CUL1: variants seen among roughly 807,000 people sequenced by gnomAD.
CUL1 encodes the protein cullin-1.
Under a neutral mutation model 118.0 loss-of-function variants are expected in CUL1, and 24 were observed. The ratio of observed to expected loss-of-function variants is 0.20; its 90% CI spans 0.15 to 0.29. The LOEUF is 0.29. Ranked by LOEUF, CUL1 falls within the 10% of genes least tolerant of loss-of-function variation. The probability of loss-of-function intolerance (pLI) is 1.00; values close to 1 mark genes in which losing one functional copy is unlikely to be tolerated. For synonymous variants in CUL1, 332 were observed against 340.4 expected (o/e 0.98, Z 0.27); for missense variants, 361 against 933.8 (o/e 0.39, Z 7.99).
intron 7 of CUL1, among the ~76,000 whole-genome samples, chr7:148,761,908 G>T (rs150165944): frequency 6.6e-6 from 1 of 152,306 alleles, no homozygotes; most frequent in East Asian, 1.9e-4. Flanking sequence ...TCAAAGGAGC[G>T]TGCAACATAG....
intron 14 of CUL1, among the ~76,000 whole-genome samples, 184 bp from the exon 15 acceptor site, chr7:148,789,566 C>G (rs568010655): frequency 2.0e-5 from 3 of 152,082 alleles, no homozygotes; most frequent in Non-Finnish European, 4.4e-5. Context: ...GGCTCTTGCA[C>G]TTTTTGCTAA....
At chr7:148,776,978 G>A (rs1800422882) in intron 9 of CUL1, among the ~76,000 whole-genome samples, 1 of 152,196 alleles carries the variant, frequency 6.6e-6, no homozygotes, top group Admixed American at 6.5e-5. Flanking sequence ...TCCCTGGCAA[G>A]TCTTAGTTCT....
chr7:148,731,149 G>A (rs1435286893), intron 2 of CUL1, among the ~76,000 whole-genome samples: 2 of 152,310 alleles, frequency 1.3e-5, no homozygotes, highest in South Asian at 2.1e-4. Flanking sequence ...GAAAAGATGC[G>A]GCTCCCACTA....
intron 1 of CUL1, among the ~76,000 whole-genome samples, chr7:148,707,908 G>A (rs571785584): frequency 1.3e-4 from 20 of 152,208 alleles, no homozygotes; most frequent in Non-Finnish European, 2.5e-4. Context: ...GATGTCTTGC[G>A]TTAGAGGAGT....
At chr7:148,773,925 G>A (rs1563165487) in intron 9 of CUL1, among the ~76,000 whole-genome samples, 4 of 152,096 alleles carry the variant, frequency 2.6e-5, no homozygotes, top group Admixed American at 1.3e-4. Flanking sequence ...AGCAGAGATG[G>A]CTCTATCCAG....
intron 9 of CUL1, among the ~76,000 whole-genome samples, chr7:148,773,742 A>G (rs567097122): frequency 4.9e-4 from 74 of 152,316 alleles, no homozygotes; most frequent in African/African-American, 1.7e-3. Context: ...TCTTAGAGAC[A>G]GTCCTTCTTT....
intron 2 of CUL1, among the ~76,000 whole-genome samples, chr7:148,732,082 T>TA (rs907371096): frequency 6.6e-6 from 1 of 152,126 alleles, no homozygotes; most frequent in Admixed American, 6.5e-5. Context: ...TTAAAGAAGA[T>TA]AGAGTCTTTG....
chr7:148,730,777 A>G (rs1344765395), intron 2 of CUL1, among the ~76,000 whole-genome samples: 1 of 152,162 alleles, frequency 6.6e-6, no homozygotes, highest in Non-Finnish European at 1.5e-5. Context: ...ATCAAAAGGG[A>G]TAGGACATCG....
At chr7:148,777,393 G>T (rs1194725162) in intron 9 of CUL1, among the ~76,000 whole-genome samples, 1 of 152,222 alleles carries the variant, frequency 6.6e-6, no homozygotes, top group African/African-American at 2.4e-5. Flanking sequence ...GCTCACACCT[G>T]TAATCCCAGC....
At chr7:148,769,568 G>A (rs1800142380) in intron 9 of CUL1, among the ~76,000 whole-genome samples, 1 of 152,154 alleles carries the variant, frequency 6.6e-6, no homozygotes, top group Non-Finnish European at 1.5e-5. Flanking sequence ...GGGCAGCAGA[G>A]CCAAGTAAAT....
intron 1 of CUL1, among the ~76,000 whole-genome samples, 174 bp downstream of exon 1, chr7:148,699,203 A>T (rs1312698933): frequency 6.6e-6 from 1 of 151,520 alleles, no homozygotes; most frequent in East Asian, 1.9e-4. Flanking sequence ...GGGCCGGGGG[A>T]CTCGTGGGCG....
chr7:148,773,902 G>A (rs1241117851), intron 9 of CUL1, among the ~76,000 whole-genome samples: 1 of 152,098 alleles, frequency 6.6e-6, no homozygotes, highest in Admixed American at 6.6e-5. Flanking sequence ...CCGTGTGAAC[G>A]TCCCTCTATT....
In CUL1 at chr7:148,766,570, C is replaced by T; in HGVS notation, c.799C>T (p.Arg267Cys). 2.5e-6 allele frequency: 4 copies of T among 1,602,622 alleles called. No homozygotes were observed. Among genetic ancestry groups the T allele is most frequent in the Non-Finnish European group, 1.7e-6 (2 of 1,176,350 alleles). The change falls in exon 8 of 22, where the codon CGT becomes TGT. Residue 267 changes from arginine to cysteine, a missense_variant. By Grantham distance (180) the Arg-to-Cys change is radical. Coordinates refer to ENST00000325222, the MANE Select transcript of CUL1 (RefSeq NM_003592.3). Reference sequence around the variant, plus strand: ...AATTAATTTTCTCCAGGCAGAGGCTCGTCTGCTTGAGGAACAACGAAGAGT... The same window carrying T: ...AATTAATTTTCTCCAGGCAGAGGCTTGTCTGCTTGAGGAACAACGAAGAGT... Reference protein sequence around the residue: ...VTEYMKKAEARLLEEQRRVQV... With the variant: ...VTEYMKKAEACLLEEQRRVQV...
At chr7:148,776,307 CTTTTTTTTTTTTTT>C (rs746777462) in intron 9 of CUL1, among the ~76,000 whole-genome samples, 1 of 40,692 alleles carries the variant, frequency 2.5e-5, no homozygotes, top group Non-Finnish European at 4.1e-5. Context: ...CATAACCAGG[CTTTTTTTTTTTTTT>C]TTTTTTTTTT....
intron 2 of CUL1, among the ~76,000 whole-genome samples, chr7:148,748,503 A>G (rs899755131): frequency 6.6e-6 from 1 of 152,246 alleles, no homozygotes; most frequent in African/African-American, 2.4e-5. Flanking sequence ...TATATTAGTT[A>G]ACACTGCCTC....
intron 1 of CUL1, among the ~76,000 whole-genome samples, chr7:148,711,612 T>A (rs1232422033): frequency 2.0e-5 from 3 of 152,192 alleles, no homozygotes; most frequent in African/African-American, 7.2e-5. Context: ...TATTTGAAAG[T>A]TTGCTCAGCT....
intron 15 of CUL1, 76 bp downstream of exon 15, chr7:148,789,902 G>A: frequency 7.4e-7 from 1 of 1,356,630 alleles, no homozygotes; most frequent in Non-Finnish European, 1.1e-6. Flanking sequence ...TGTGGAAGGG[G>A]ACAGGCCTGC....
intron 1 of CUL1, among the ~76,000 whole-genome samples, chr7:148,700,434 A>G (rs1797687403): frequency 6.6e-6 from 1 of 152,230 alleles, no homozygotes; most frequent in South Asian, 2.1e-4. Flanking sequence ...TGGAGAGTGT[A>G]TTACGTAGTA....
intron 3 of CUL1, among the ~76,000 whole-genome samples, chr7:148,754,979 C>G (rs1185265082): frequency 6.6e-6 from 1 of 152,136 alleles, no homozygotes; most frequent in East Asian, 1.9e-4. Flanking sequence ...GTCTCCAACT[C>G]CTGGGCTCAA....
Sources: gnomAD v4.1 joint callset for allele counts (sites outside exome capture counted in the v4.1 genomes callset) on GRCh38, gnomAD v4.1.1 for gene constraint, MANE v1.5 for transcripts, NCBI Gene and HGNC (gene_info 2026-07-23, HGNC 2026-07-21) for gene names.